Variants in PLAGL1 observed in about 807,000 individuals in gnomAD.
PLAGL1 encodes PLAG1 like zinc finger 1.
Under a neutral mutation model 4.6 loss-of-function variants are expected in PLAGL1, and 1 was observed. The observed-to-expected ratio is 0.22, with a 90% confidence interval of 0.08 to 1.03. PLAGL1 has a LOEUF of 1.03. Among genes scored for constraint, PLAGL1 ranks in the 50% least tolerant of loss-of-function variants. The probability of loss-of-function intolerance (pLI) is 0.58; values close to 1 mark genes in which losing one functional copy is unlikely to be tolerated. For missense variants in PLAGL1, 464 were observed against 570.4 expected (o/e 0.81, Z 1.90); for synonymous variants, 240 against 237.8 (o/e 1.01, Z -0.08).
At chr6:143,951,714 G>A (rs1394208701) in intron 6 of PLAGL1, among the ~76,000 whole-genome samples, 10 of 152,192 alleles carry the variant, frequency 6.6e-5, no homozygotes, top group Non-Finnish European at 5.9e-5. Context: ...TGGTTTAAAG[G>A]TGAGGCACAT....
In PLAGL1 at chr6:143,963,372, A is replaced by G. The variant is rs918160014; in HGVS notation, c.-399+1415T>C. Among the ~76,000 whole-genome samples the G allele has an allele frequency of 3.9e-5, 6 of 152,204 alleles. No individual in the cohort carries two copies. In the East Asian group the frequency reaches 1.2e-3, roughly 29 times the overall value. The stretch of plus-strand genomic sequence containing the variant: ...CTTCAAGGTCACATGGTGGGGCTTC[A>G]AACGTTAACCCACAGACTTGCTCCT... On this transcript the variant is annotated intron_variant, in intron 5 of 7. Transcript: ENST00000674357. This position sits in a 1 kb window ranked among gnomAD's most constrained non-coding sequence, Gnocchi z 6.1.
chr6:143,948,323 G>C lies in PLAGL1; in HGVS notation c.-187C>G. On this transcript the variant is annotated 5_prime_UTR_variant, in exon 7 of 8. Transcript: ENST00000674357. This position sits in a 1 kb window ranked among gnomAD's most constrained non-coding sequence, Gnocchi z 6.0. ...GGACCTCTCAGCTGTCACTAGCTTT[G>C]CTTCCTGCTTTCACACATCCCAGTT... The C allele has an allele frequency of 3.5e-6, 2 of 564,542 alleles. No individual in the cohort carries two copies. The highest frequency in any genetic ancestry group is 4.4e-5 in the South Asian group (2 of 45,792). 35.0% of individuals were successfully genotyped at this position (564,542 alleles called of 1,614,324 possible).
rs3819812 is a variant in PLAGL1, at chr6:143,959,662, C to T, written c.-325+807G>A. The stretch of plus-strand genomic sequence containing the variant: ...TAGCCCTAAGAGATAGGTAGAAGGG[C>T]ATCATTGTCCCCATTTCACAAATGA... On this transcript the variant is annotated intron_variant, in intron 6 of 7. Coordinates refer to ENST00000674357, the MANE Select transcript of PLAGL1 (RefSeq NM_001317162.2). The surrounding 1 kb of genome is among the most constrained non-coding windows in gnomAD (Gnocchi z 5.3). 0.62 allele frequency among the ~76,000 whole-genome samples: 94,289 copies of T among 152,020 alleles called. 29,648 individuals carry two copies. The highest frequency in any genetic ancestry group is 0.69 in the Non-Finnish European group (46,598 of 67,954).
chr6:143,980,973 A>G (rs956672209), intron 2 of PLAGL1, among the ~76,000 whole-genome samples: 15 of 152,244 alleles, frequency 9.9e-5, no homozygotes, highest in African/African-American at 3.4e-4. Context: ...ACATGTAAAT[A>G]CATTTGCTTA....
Position 143,949,672 on chromosome 6 carries a change from T to C in PLAGL1, c.-324-1212A>G, listed in dbSNP as rs995036622. ...ACTTAAAAAAATTAAGAGTACTGTA[T>C]GCTTAGGTGAAGTACACTTGAGTAG... On this transcript the variant is annotated intron_variant, in intron 6 of 7. Coordinates refer to ENST00000674357, the MANE Select transcript of PLAGL1 (RefSeq NM_001317162.2). This position sits in a 1 kb window ranked among gnomAD's most constrained non-coding sequence, Gnocchi z 5.3. Among the ~76,000 whole-genome samples, 21 of 152,196 alleles carry C rather than the reference T, an allele frequency of 1.4e-4. No individual in the cohort carries two copies. The highest frequency in any genetic ancestry group is 5.1e-4 in the African/African-American group (21 of 41,444).
intron 1 of PLAGL1, among the ~76,000 whole-genome samples, chr6:143,999,334 A>G (rs1792337882): frequency 6.6e-6 from 1 of 152,190 alleles, no homozygotes; most frequent in Non-Finnish European, 1.5e-5. Flanking sequence ...CCAACAAAAC[A>G]CATTGCCTGG....
At chr6:144,020,602 T>C (rs902537845) in intron 1 of PLAGL1, among the ~76,000 whole-genome samples, 10 of 151,176 alleles carry the variant, frequency 6.6e-5, no homozygotes, top group Non-Finnish European at 1.3e-4. Flanking sequence ...TTGTTTTTAA[T>C]GTTAATTTTA....
intron 1 of PLAGL1, among the ~76,000 whole-genome samples, chr6:144,019,986 C>A (rs532363412): frequency 3.3e-5 from 5 of 152,132 alleles, no homozygotes; most frequent in Non-Finnish European, 7.4e-5. Context: ...ATATTGAAAT[C>A]ATAATCCCCA....
At chr6:144,049,544 T>G (rs1260056333) in intron 1 of PLAGL1, among the ~76,000 whole-genome samples, 1 of 152,180 alleles carries the variant, frequency 6.6e-6, no homozygotes, top group East Asian at 1.9e-4. Context: ...AGCTTGGACC[T>G]TCTCACATGG....
chr6:143,991,773 A>G (rs534028596), intron 1 of PLAGL1, among the ~76,000 whole-genome samples: 1 of 152,338 alleles, frequency 6.6e-6, no homozygotes, highest in African/African-American at 2.4e-5. Flanking sequence ...CTAACCAGGA[A>G]CTGCACAGGC....
intron 1 of PLAGL1, among the ~76,000 whole-genome samples, chr6:144,049,593 C>T (rs1005813228): frequency 6.6e-6 from 1 of 151,938 alleles, no homozygotes; most frequent in Non-Finnish European, 1.5e-5. Context: ...GAAAGAGCCT[C>T]TTATGAAACC....
intron 3 of PLAGL1, chr6:143,967,442 A>G (rs1334484568): frequency 6.6e-6 from 1 of 152,182 alleles, no homozygotes; most frequent in East Asian, 1.9e-4. Context: ...AATGTGGATC[A>G]TCATGACACA....
chr6:144,038,434 T>TAC (rs1797440226), intron 1 of PLAGL1, among the ~76,000 whole-genome samples: 1 of 152,196 alleles, frequency 6.6e-6, no homozygotes, highest in African/African-American at 2.4e-5. Flanking sequence ...CAAAACTTAC[T>TAC]ACAAAGCTAC....
In PLAGL1 at chr6:143,964,906, G is replaced by C. The variant is rs987638821; in HGVS notation, c.-430-88C>G. The C allele has an allele frequency of 1.3e-5, 2 of 152,334 alleles. No individual in the cohort carries two copies. The highest frequency in any genetic ancestry group is 3.9e-4 in the East Asian group (2 of 5,184). The allele number at this position is 152,334 out of a possible 1,614,324, so 9.4% of individuals were successfully genotyped here. On this transcript the variant is annotated intron_variant, in intron 4 of 7. Transcript: ENST00000674357. The surrounding 1 kb of genome is among the most constrained non-coding windows in gnomAD (Gnocchi z 4.3). Reference sequence around the variant, plus strand: ...AAACAAACAAAAACACCCAAGTGGGGGGGGAACGGAAGTCTACTTGGAAGA... The same window carrying C: ...AAACAAACAAAAACACCCAAGTGGGCGGGGAACGGAAGTCTACTTGGAAGA...
chr6:144,056,902 C>G lies in PLAGL1; in HGVS notation c.-151+7566G>C, dbSNP rs1799015570. Among the ~76,000 whole-genome samples the G allele has an allele frequency of 6.6e-6, 1 of 152,154 alleles. No homozygotes were observed. Among genetic ancestry groups the G allele is most frequent in the Non-Finnish European group, 1.5e-5 (1 of 68,024 alleles). On this transcript the variant is annotated intron_variant, in intron 1 of 3. Transcript: ENST00000437412. The surrounding 1 kb of genome is among the most constrained non-coding windows in gnomAD (Gnocchi z 4.7). Reference sequence around the variant, plus strand: ...TCTCAAACTCCCAGGCTCAAGCAATCCTCCTGCCTCAGCCTCCCAAAGTGC... The same window carrying G: ...TCTCAAACTCCCAGGCTCAAGCAATGCTCCTGCCTCAGCCTCCCAAAGTGC...
intron 3 of PLAGL1, chr6:143,967,372 A>G (rs921354145): frequency 6.6e-6 from 1 of 151,678 alleles, no homozygotes; most frequent in African/African-American, 2.4e-5. Context: ...TTGGAGTAAT[A>G]TATATATATA....
At position 144,017,734 on chromosome 6, in the gene PLAGL1, T is replaced by C. The variant is rs74780478; in HGVS notation, c.-151+46734A>G. Among the ~76,000 whole-genome samples, 416 of 152,326 alleles carry C rather than the reference T, an allele frequency of 2.7e-3. 11 individuals carry two copies. The East Asian group carries it at 0.053, about 19-fold the overall frequency. On this transcript the variant is annotated intron_variant, in intron 1 of 3. Coordinates refer to the PLAGL1 transcript ENST00000437412. Reference sequence around the variant, plus strand: ...CCTCCTCTCCATTTAAACAGTTCCCTGAATCCATGGCAAACCCGTAGACTT... The same window carrying C: ...CCTCCTCTCCATTTAAACAGTTCCCCGAATCCATGGCAAACCCGTAGACTT...
At position 144,048,994 on chromosome 6, in the gene PLAGL1, T is replaced by A. The variant is rs1343488473; in HGVS notation, c.-151+15474A>T. Among the ~76,000 whole-genome samples, 1 of 152,244 alleles carries A rather than the reference T, an allele frequency of 6.6e-6. No homozygotes were observed. The highest frequency in any genetic ancestry group is 6.5e-5 in the Admixed American group (1 of 15,280). On this transcript the variant is annotated intron_variant, in intron 1 of 3. Coordinates refer to the PLAGL1 transcript ENST00000437412. This position sits in a 1 kb window ranked among gnomAD's most constrained non-coding sequence, Gnocchi z 4.8. The stretch of plus-strand genomic sequence containing the variant: ...TGCTTTCAAAATCAACCAGGTCACC[T>A]CTTGAATGCTTTGCTGCTTAGAAAT...
intron 2 of PLAGL1, among the ~76,000 whole-genome samples, chr6:143,976,237 C>T (rs983311029): frequency 2.7e-5 from 4 of 148,792 alleles, no homozygotes; most frequent in Non-Finnish European, 5.9e-5. Context: ...CTAGTACAGA[C>T]GTACTTCTGG....
Sources: gnomAD v4.1 joint callset for allele counts (sites outside exome capture counted in the v4.1 genomes callset) on GRCh38, gnomAD v4.1.1 for gene constraint, Gnocchi (gnomAD v3.1) non-coding constraint, MANE v1.5 for transcripts, NCBI Gene and HGNC (gene_info 2026-07-23, HGNC 2026-07-21) for gene names.